Variants in FCAMR observed in about 807,000 individuals in gnomAD.
The protein encoded by FCAMR is Fc alpha and mu receptor.
A neutral mutation model predicts 52.2 loss-of-function variants in FCAMR; 51 were observed. That is an observed-to-expected ratio of 0.98 (90% CI 0.78 to 1.23). The LOEUF (loss-of-function observed/expected upper bound fraction) is 1.23, where lower values mean the gene tolerates loss of function less well. Ranked by LOEUF, FCAMR falls within the 50% of genes most tolerant of loss-of-function variation. The probability of loss-of-function intolerance (pLI) is 0.00; values close to 1 mark genes in which losing one functional copy is unlikely to be tolerated. For missense variants in FCAMR, 719 were observed against 712.6 expected (o/e 1.01, Z -0.10); for synonymous variants, 282 against 262.0 (o/e 1.08, Z -0.74).
At chr1:206,961,947 A>G (rs1680522419) in intron 5 of FCAMR, among the ~76,000 whole-genome samples, 1 of 152,202 alleles carries the variant, frequency 6.6e-6, no homozygotes, top group African/African-American at 2.4e-5. Context: ...CCGTCTCCAA[A>G]TATATATTTC....
intron 4 of FCAMR, among the ~76,000 whole-genome samples, chr1:206,963,870 G>A (rs918009259): frequency 6.6e-6 from 1 of 152,140 alleles, no homozygotes; most frequent in African/African-American, 2.4e-5. Flanking sequence ...AGAATTGCAG[G>A]TTCTTCTGCT....
At chr1:206,966,449 G>A (rs924544773) in intron 3 of FCAMR, among the ~76,000 whole-genome samples, 1 of 152,116 alleles carries the variant, frequency 6.6e-6, no homozygotes, top group Non-Finnish European at 1.5e-5. Context: ...GCAGTGGCGC[G>A]ATCTCAGCTC....
intron 1 of FCAMR, chr1:206,969,476 C>T (rs1683239): frequency 8.7e-5 from 31 of 358,278 alleles, no homozygotes; most frequent in African/African-American, 5.8e-4. Flanking sequence ...CCACAGGCTT[C>T]TGTTACTGCA....
chr1:206,969,788 T>C (rs1176620139), intron 1 of FCAMR, among the ~76,000 whole-genome samples: 2 of 152,204 alleles, frequency 1.3e-5, no homozygotes, highest in Non-Finnish European at 1.5e-5. Context: ...TCCTCTCCTC[T>C]ACAAAAGAAG....
intron 4 of FCAMR, among the ~76,000 whole-genome samples, chr1:206,965,473 C>G (rs958586998): frequency 6.6e-6 from 1 of 152,176 alleles, no homozygotes; most frequent in Non-Finnish European, 1.5e-5. Context: ...AATTCAAGAC[C>G]AGGCCAGCAT....
rs979417718 is a variant in FCAMR, at chr1:206,962,530, G to A, written c.335C>T (p.Ser112Leu). Residue 112 changes from serine (S) to leucine (L), a missense_variant, in exon 5 of 8, where the codon TCA becomes TTA. Transcript: ENST00000324852. ...SFAAPNSLKG[S>L]RLVSGEPGGA... ...TCCAGGCTCCCCTGACACCAGCCTT[G>A]AGCCCTTCAATGAATTTGGAGCTGC... The A allele has an allele frequency of 1.3e-6, 2 of 1,573,602 alleles. No homozygotes were observed. Among genetic ancestry groups the A allele is most frequent in the African/African-American group, 1.4e-5 (1 of 74,040 alleles).
intron 1 of FCAMR, among the ~76,000 whole-genome samples, 187 bp downstream of exon 1, chr1:206,969,900 G>C (rs1410003149): frequency 2.6e-5 from 4 of 152,166 alleles, no homozygotes; most frequent in African/African-American, 9.7e-5. Flanking sequence ...GTGGGTGTGA[G>C]CAGAATAATA....
At chr1:206,960,279 G>A in intron 6 of FCAMR, 143 bp downstream of exon 6, 3 of 828,600 alleles carry the variant, frequency 3.6e-6, no homozygotes, top group Non-Finnish European at 5.6e-6. Context: ...GGCCCCTTGG[G>A]TGAGGGAGGG....
At chr1:206,968,294 ACT>A (rs1382498227) in intron 1 of FCAMR, among the ~76,000 whole-genome samples, 1 of 152,226 alleles carries the variant, frequency 6.6e-6, no homozygotes. Flanking sequence ...AGCCCGTGCC[ACT>A]GCACTACCAC....
rs1175478939 is a variant in FCAMR at position 206,961,004 on chromosome 1, G to GCCCAGCAAC, written c.871_872insGTTGCTGGG (p.Ala290_Ala291insGlyCysTrp). 2 of 1,551,816 alleles carry GCCCAGCAAC rather than the reference G, an allele frequency of 1.3e-6. No individual in the cohort carries two copies. The highest frequency in any genetic ancestry group is 1.7e-6 in the Non-Finnish European group (2 of 1,147,056). ...CTCTGCCCAGCTGCCTGTCCCTGGA[G>GCCCAGCAAC]CTGCTGGCCTGGTTGCTCCTGGGGT... is the stretch of plus-strand genomic sequence containing the variant. On this transcript the variant is annotated inframe_insertion, in exon 6 of 8. Transcript: ENST00000324852.
chr1:206,962,269 C>A lies in FCAMR; in HGVS notation c.596G>T (p.Gly199Val). The A allele has an allele frequency of 1.2e-6, 2 of 1,614,214 alleles. No individual in the cohort carries two copies. Among genetic ancestry groups the A allele is most frequent in the Non-Finnish European group, 1.7e-6 (2 of 1,180,030 alleles). Residue 199 changes from glycine to valine, a missense_variant, in exon 5 of 8, where the codon GGC becomes GTC. Transcript: ENST00000324852. ...SPDDIGCYLC[G>V]IGSENNMLFL... ...CAGCATGTTGTTTTCACTTCCAATG[C>A]CGCAGAGGTAGCATCCGATGTCATC...
intron 1 of FCAMR, among the ~76,000 whole-genome samples, chr1:206,968,842 TG>T (rs1402718244): frequency 3.9e-5 from 6 of 152,164 alleles, no homozygotes; most frequent in Non-Finnish European, 5.9e-5. Context: ...CAACTAGACT[TG>T]GCAAGTTGTC....
At chr1:206,961,959 T>A (rs1280140264) in intron 5 of FCAMR, among the ~76,000 whole-genome samples, 2 of 152,240 alleles carry the variant, frequency 1.3e-5, no homozygotes. Context: ...ATATATTTCA[T>A]GACATTTGGG....
rs1680409648 is a variant in FCAMR, at chr1:206,959,607, C to G, written c.1573+72G>C. On this transcript the variant is annotated intron_variant, in intron 7 of 7. Coordinates refer to ENST00000324852, the MANE Select transcript of FCAMR (RefSeq NM_001170631.2). ...TTGAAAAGTCCTGGCAGGACTCTACCCCTACCCAGCCCTGAGGGTGTCAGG... is the reference window on the plus strand; with the variant it reads ...TTGAAAAGTCCTGGCAGGACTCTACGCCTACCCAGCCCTGAGGGTGTCAGG... The G allele has an allele frequency of 4.8e-6, 6 of 1,238,996 alleles. No individual in the cohort carries two copies. In the Admixed American group the frequency reaches 5.1e-5, roughly 10 times the overall value. The allele number at this position is 1,238,996 out of a possible 1,614,324, so 76.8% of individuals were successfully genotyped here. A position where few individuals can be genotyped will look rare whatever the true frequency, so the allele number is the denominator to read the frequency against.
chr1:206,966,368 A>C (rs1387018629), intron 3 of FCAMR, among the ~76,000 whole-genome samples: 1 of 152,138 alleles, frequency 6.6e-6, no homozygotes, highest in African/African-American at 2.4e-5. Flanking sequence ...TGCTTACTCA[A>C]ATATTGGCTA....
At chr1:206,961,318 G>A in intron 5 of FCAMR, 95 bp from the exon 6 acceptor site, 1 of 966,162 alleles carries the variant, frequency 1.0e-6, no homozygotes, top group Non-Finnish European at 1.5e-6. Flanking sequence ...CTGCTAAGTG[G>A]AATGCAACCT....
chr1:206,967,452 T>G, intron 2 of FCAMR, 131 bp downstream of exon 2: 2 of 950,466 alleles, frequency 2.1e-6, no homozygotes, highest in Non-Finnish European at 3.3e-6. Context: ...GAGCACCGTG[T>G]AGTGGAAAGG....
Position 206,961,016 on chromosome 1 carries a change from G to C in FCAMR, c.860C>G (p.Thr287Ser), listed in dbSNP as rs1171955242. Residue 287 changes from threonine (T) to serine (S), a missense_variant, in exon 6 of 8, where the codon ACC (threonine) becomes AGC (serine). Coordinates refer to ENST00000324852, the MANE Select transcript of FCAMR (RefSeq NM_001170631.2). ...SAEGRRTPGA[T>S]RPAAPGTGSW... ...GCCTGTCCCTGGAGCTGCTGGCCTG[G>C]TTGCTCCTGGGGTTCGTCTTCCCTC... 1.5e-5 allele frequency: 24 copies of C among 1,551,776 alleles called. No homozygotes were observed. The highest frequency in any genetic ancestry group is 2.0e-5 in the Admixed American group (1 of 50,986).
At position 206,967,669 on chromosome 1, in the gene FCAMR, A is replaced by T. The variant is rs1342406641; in HGVS notation, c.40-18T>A. On this transcript the variant is annotated intron_variant, in intron 1 of 7. Coordinates refer to ENST00000324852, the MANE Select transcript of FCAMR (RefSeq NM_001170631.2). ...ACCACTTCCTGTTTGCAGAAGGGGA[A>T]TTGGTTTTTTCAAGGGAAGATTTCT... 6.2e-7 allele frequency: 1 copy of T among 1,613,400 alleles called. No homozygotes were observed. Among genetic ancestry groups the T allele is most frequent in the East Asian group, 2.2e-5 (1 of 44,870 alleles).
Sources: allele counts gnomAD v4.1 joint callset (sites outside exome capture counted in the v4.1 genomes callset), GRCh38; gene constraint gnomAD v4.1.1; transcripts MANE v1.5; gene names NCBI Gene and HGNC (gene_info 2026-07-23, HGNC 2026-07-21).